ATP2A1: variants seen among roughly 807,000 people sequenced by gnomAD.
ATP2A1 encodes the protein sarcoplasmic/endoplasmic reticulum calcium ATPase 1.
In ATP2A1, 83 loss-of-function variants were observed where a neutral mutation model predicts 109.5. The ratio of observed to expected loss-of-function variants is 0.76; its 90% CI spans 0.63 to 0.91. The LOEUF is 0.91. ATP2A1 is among the 40% of genes least tolerant of loss of function. The probability of loss-of-function intolerance (pLI) is 0.00; values close to 1 mark genes in which losing one functional copy is unlikely to be tolerated. For missense variants in ATP2A1, 1,101 were observed against 1,341.0 expected (o/e 0.82, Z 2.80); for synonymous variants, 505 against 537.6 (o/e 0.94, Z 0.84).
At position 28,902,159 on chromosome 16, in the gene ATP2A1, A is replaced by G. The variant is rs756389339; in HGVS notation, c.2322-25A>G. 27 of 1,613,992 alleles carry G rather than the reference A, an allele frequency of 1.7e-5. No homozygotes were observed. Among genetic ancestry groups the G allele is most frequent in the Non-Finnish European group, 2.3e-5 (27 of 1,179,868 alleles). ...GCTGCAGGTCTGGGAGGCAGGACAG[A>G]GGTGTGACCACCTCCTTCCCACAGT... On this transcript the variant is annotated intron_variant, in intron 16 of 22. Transcript: ENST00000395503. The surrounding 1 kb of genome is among the most constrained non-coding windows in gnomAD (Gnocchi z 4.8).
chr16:28,895,067 A>T, intron 12 of ATP2A1, 114 bp downstream of exon 12: 1 of 1,490,296 alleles, frequency 6.7e-7, no homozygotes, highest in South Asian at 1.2e-5. Flanking sequence ...GACCCCACCC[A>T]GGCAGCAGAC....
chr16:28,899,247 T>C (rs1963997177), intron 14 of ATP2A1, among the ~76,000 whole-genome samples: 1 of 152,214 alleles, frequency 6.6e-6, no homozygotes, highest in South Asian at 2.1e-4. Flanking sequence ...GTCCCTCCTT[T>C]CATTTTGTAC....
At chr16:28,879,634 C>G (rs909302242) in intron 3 of ATP2A1, 51 bp downstream of exon 3, 4 of 1,555,816 alleles carry the variant, frequency 2.6e-6, no homozygotes, top group Admixed American at 3.5e-5. Flanking sequence ...AGGCTGGGAT[C>G]GGGCGAATGC....
Position 28,902,517 on chromosome 16 carries a change from C to T in ATP2A1, c.2525-63C>T, listed in dbSNP as rs1964109654. 9 of 1,582,782 alleles carry T rather than the reference C, an allele frequency of 5.7e-6. No individual in the cohort carries two copies. In the South Asian group the frequency reaches 9.0e-5, roughly 16 times the overall value. On this transcript the variant is annotated intron_variant, in intron 17 of 22. Coordinates refer to ENST00000395503, the MANE Select transcript of ATP2A1 (RefSeq NM_004320.6). The surrounding 1 kb of genome is among the most constrained non-coding windows in gnomAD (Gnocchi z 4.8). ...AGCCTGTCCATGGCCACATGAGGCC[C>T]TCAACCCTCGATGCCCCCTATCTCC...
rs969726098 is a variant in ATP2A1 at position 28,903,580 on chromosome 16, C to T, written c.2981-120C>T. On this transcript the variant is annotated intron_variant, in intron 21 of 22. Transcript: ENST00000395503. The surrounding 1 kb of genome is among the most constrained non-coding windows in gnomAD (Gnocchi z 5.6). ...ACCTGTGTCCGCCCCGTTCCCCCTG[C>T]GCCTGCAGGGGCCACATCTCCGGGG... 5.2e-5 allele frequency: 63 copies of T among 1,206,068 alleles called. No individual in the cohort carries two copies. The Middle Eastern group carries it at 5.7e-4, about 11-fold the overall frequency. The allele number at this position is 1,206,068 out of a possible 1,614,324, so 74.7% of individuals were successfully genotyped here.
intron 5 of ATP2A1, 135 bp from the exon 6 acceptor site, chr16:28,884,440 G>C: frequency 4.9e-6 from 4 of 824,462 alleles, no homozygotes; most frequent in Non-Finnish European, 8.0e-6. Context: ...CCAAGGGCCT[G>C]ATGCAAGCCC....
At chr16:28,881,156 G>A in intron 4 of ATP2A1, 137 bp downstream of exon 4, 1 of 912,472 alleles carries the variant, frequency 1.1e-6, no homozygotes. Context: ...TCTGGAATGG[G>A]ATGGAGTGTG....
chr16:28,884,727 G>A (rs1357647478), intron 6 of ATP2A1, 72 bp downstream of exon 6: 5 of 1,417,858 alleles, frequency 3.5e-6, no homozygotes, highest in Non-Finnish European at 3.9e-6. Flanking sequence ...GGGGAGGTGA[G>A]TGGAAAGACA....
chr16:28,892,077 A>G (rs1464836587), intron 9 of ATP2A1, among the ~76,000 whole-genome samples: 9 of 152,308 alleles, frequency 5.9e-5, no homozygotes, highest in Non-Finnish European at 1.2e-4. Context: ...TCTAAGCACT[A>G]TCATAATGTT....
intron 12 of ATP2A1, among the ~76,000 whole-genome samples, chr16:28,896,159 T>A (rs930193677): frequency 6.6e-6 from 1 of 152,118 alleles, no homozygotes; most frequent in African/African-American, 2.4e-5. Flanking sequence ...TTTGTTTTAT[T>A]TTTTGGAGAA....
At position 28,887,932 on chromosome 16, in the gene ATP2A1, C is replaced by T. The variant is rs546326040; in HGVS notation, c.928+210C>T. 1.2e-3 allele frequency among the ~76,000 whole-genome samples: 183 copies of T among 152,340 alleles called. 1 individual carries two copies. Among genetic ancestry groups the T allele is most frequent in the African/African-American group, 4.2e-3 (174 of 41,568 alleles). On this transcript the variant is annotated intron_variant, in intron 8 of 22. Coordinates refer to ENST00000395503, the MANE Select transcript of ATP2A1 (RefSeq NM_004320.6). ...TCTCCTGCCTCAGCCTCCCTAGCAG[C>T]TGGGACTACAGGTGCACGCCGCCAT...
At chr16:28,881,559 G>C (rs1451598133) in intron 4 of ATP2A1, 1 of 197,528 alleles carries the variant, frequency 5.1e-6, no homozygotes, top group Admixed American at 5.3e-5. Context: ...TTCATACTTT[G>C]GGAGGCCGAG....
intron 9 of ATP2A1, among the ~76,000 whole-genome samples, chr16:28,890,882 C>T (rs981712656): frequency 5.9e-5 from 9 of 151,952 alleles, no homozygotes; most frequent in Non-Finnish European, 1.0e-4. Context: ...GATGGGGTTT[C>T]GCCATGTTGA....
intron 4 of ATP2A1, among the ~76,000 whole-genome samples, chr16:28,882,036 T>C (rs886762812): frequency 2.0e-5 from 3 of 150,322 alleles, no homozygotes; most frequent in Non-Finnish European, 4.4e-5. Context: ...CTCCAGGTTC[T>C]GGTGATTCTC....
chr16:28,881,571 C>G (rs907354276), intron 4 of ATP2A1: 1 of 193,192 alleles, frequency 5.2e-6, no homozygotes, highest in African/African-American at 2.4e-5. Flanking sequence ...GAGGCCGAGG[C>G]GGGTGGATCA....
At position 28,902,991 on chromosome 16, in the gene ATP2A1, C is replaced by T. The variant is rs1335057250; in HGVS notation, c.2745-39C>T. On this transcript the variant is annotated intron_variant, in intron 19 of 22. Coordinates refer to ENST00000395503, the MANE Select transcript of ATP2A1 (RefSeq NM_004320.6). The surrounding 1 kb of genome is among the most constrained non-coding windows in gnomAD (Gnocchi z 4.8). ...CTCCACTGTGCCGCCCACCTCCTTC[C>T]TCCTCACTGTGCCTTCTCCCTCCCC... The T allele has an allele frequency of 3.1e-6, 5 of 1,613,578 alleles. No homozygotes were observed. The South Asian group carries it at 5.5e-5, about 18-fold the overall frequency.
In ATP2A1 at chr16:28,900,800, C is replaced by T. The variant is rs1180131857; in HGVS notation, c.1984C>T (p.Pro662Ser). The change falls in exon 15 of 23, where the codon CCC becomes TCC. Residue 662 changes from proline (P) to serine (S), a missense_variant. Pro to Ser is a moderately conservative substitution (Grantham distance 74). Transcript: ENST00000395503. ...CACGGGCCGAGAGTTCGACGACCTG[C>T]CCCTGGCTGAACAGCGGGAAGCCTG... The part of the protein sequence containing the change: ...AYTGREFDDL[P>S]LAEQREACRR... The T allele has an allele frequency of 1.2e-6, 2 of 1,614,078 alleles. No individual in the cohort carries two copies. Among genetic ancestry groups the T allele is most frequent in the African/African-American group, 2.7e-5 (2 of 74,930 alleles).
chr16:28,894,227 G>A lies in ATP2A1; in HGVS notation c.1168G>A (p.Ala390Thr), dbSNP rs372270451. Residue 390 changes from alanine to threonine, a missense_variant, in exon 10 of 23, where the codon GCT becomes ACT. Coordinates refer to ENST00000395503, the MANE Select transcript of ATP2A1 (RefSeq NM_004320.6). ...NEFSITGSTY[A>T]PEGEVLKNDK... Reference sequence around the variant, plus strand: ...GTTCTCCATCACCGGCTCCACTTACGCTCCAGAGGGAGAGGTGTAAGTCAC... The same window carrying A: ...GTTCTCCATCACCGGCTCCACTTACACTCCAGAGGGAGAGGTGTAAGTCAC... 51 of 1,613,730 alleles carry A rather than the reference G, an allele frequency of 3.2e-5. No homozygotes were observed. The highest frequency in any genetic ancestry group is 2.5e-4 in the South Asian group (23 of 91,030).
intron 5 of ATP2A1, among the ~76,000 whole-genome samples, chr16:28,882,830 CCT>C (rs1434922032): frequency 1.3e-5 from 2 of 152,230 alleles, no homozygotes; most frequent in African/African-American, 4.8e-5. Flanking sequence ...TGCTCCCCAT[CCT>C]CTCACCCTGC....
Sources: gnomAD v4.1 joint callset for allele counts (sites outside exome capture counted in the v4.1 genomes callset) on GRCh38, gnomAD v4.1.1 for gene constraint, Gnocchi (gnomAD v3.1) non-coding constraint, MANE v1.5 for transcripts, NCBI Gene and HGNC (gene_info 2026-07-23, HGNC 2026-07-21) for gene names.